SLC1A7: variants seen among roughly 807,000 people sequenced by gnomAD.
SLC1A7 encodes the protein solute carrier family 1 member 7.
A neutral mutation model predicts 47.7 loss-of-function variants in SLC1A7; 40 were observed. The ratio of observed to expected loss-of-function variants is 0.84; its 90% CI spans 0.65 to 1.09. SLC1A7 has a LOEUF of 1.09. SLC1A7 is among the 50% of genes least tolerant of loss of function. SLC1A7 has a pLI of 0.00. For missense variants in SLC1A7, 746 were observed against 769.5 expected, an observed-to-expected ratio of 0.97 and a Z score of 0.36; for synonymous variants, 323 against 325.6, an observed-to-expected ratio of 0.99 and a Z score of 0.09.
rs560150427 is a variant in SLC1A7, at chr1:53,128,433, T to G, written c.215+5917A>C. 4.2e-5 allele frequency among the ~76,000 whole-genome samples: 4 copies of G among 94,836 alleles called. No individual in the cohort carries two copies. In the South Asian group the frequency reaches 8.6e-4, roughly 20 times the overall value. The allele number at this position is 94,836 out of a possible 152,430, so 62.2% of individuals were successfully genotyped here. A position where few individuals can be genotyped will look rare whatever the true frequency, so the allele number is the denominator to read the frequency against. On this transcript the variant is annotated intron_variant, in intron 2 of 10. Coordinates refer to ENST00000371494, the MANE Select transcript of SLC1A7 (RefSeq NM_006671.6). Reference sequence around the variant, plus strand: ...TGAAAGTTACAGTGAGCTGTGGTCATGCCACTGCACTCCAGCCTGAGGGAC... The same window carrying G: ...TGAAAGTTACAGTGAGCTGTGGTCAGGCCACTGCACTCCAGCCTGAGGGAC...
intron 3 of SLC1A7, among the ~76,000 whole-genome samples, chr1:53,112,222 C>G (rs1644707851): frequency 6.6e-6 from 1 of 152,186 alleles, no homozygotes; most frequent in South Asian, 2.1e-4. Flanking sequence ...AAAAAAAATG[C>G]CTGGGCTAGC....
At chr1:53,134,245 G>T in intron 2 of SLC1A7, 105 bp downstream of exon 2, 1 of 748,604 alleles carries the variant, frequency 1.3e-6, no homozygotes, top group Non-Finnish European at 2.2e-6. Context: ...CTCATCCCAG[G>T]GCCTGTGGTT....
chr1:53,111,486 G>A (rs1006322162), intron 3 of SLC1A7, among the ~76,000 whole-genome samples: 16 of 152,200 alleles, frequency 1.1e-4, no homozygotes, highest in African/African-American at 3.6e-4. Context: ...GAGAGGAAGC[G>A]GAGGCCAGGC....
rs749590362 is a variant in SLC1A7, at chr1:53,108,385, T to A, written c.432-2611A>T. 31 of 596,250 alleles carry A rather than the reference T, an allele frequency of 5.2e-5. No homozygotes were observed. In the Admixed American group the frequency reaches 7.0e-4, roughly 13 times the overall value. The allele number at this position is 596,250 out of a possible 1,614,324, so 36.9% of individuals were successfully genotyped here. A position where few individuals can be genotyped will look rare whatever the true frequency, so the allele number is the denominator to read the frequency against. On this transcript the variant is annotated intron_variant, in intron 3 of 10. Transcript: ENST00000371494. Reference sequence around the variant, plus strand: ...ACTTCCTTTACAATTACAATCATTTTAAATGTGGGCCTTGGCAGGGACAGC... The same window carrying A: ...ACTTCCTTTACAATTACAATCATTTAAAATGTGGGCCTTGGCAGGGACAGC...
chr1:53,117,181 T>C (rs1298273777), intron 2 of SLC1A7, among the ~76,000 whole-genome samples: 2 of 152,016 alleles, frequency 1.3e-5, no homozygotes, highest in African/African-American at 4.8e-5. Flanking sequence ...AGTGAGACAG[T>C]GGAAGGCAGA....
At chr1:53,099,881 C>T (rs1291274509) in intron 5 of SLC1A7, among the ~76,000 whole-genome samples, 1 of 151,076 alleles carries the variant, frequency 6.6e-6, no homozygotes, top group African/African-American at 2.4e-5. Flanking sequence ...CTCGCATTGC[C>T]TTGGTACATT....
chr1:53,118,339 T>A (rs1172915912), intron 2 of SLC1A7: 2 of 152,242 alleles, frequency 1.3e-5, no homozygotes, highest in Non-Finnish European at 2.9e-5. Flanking sequence ...TCTTTGGGTG[T>A]TATAAGTAAT....
rs779826298 is a variant in SLC1A7, at chr1:53,098,633, C to T, written c.697+4713G>A. Reference sequence around the variant, plus strand: ...TACACTCACACATACCACCTCAGTACGTTCACACACACCACCTCGGTACAC... The same window carrying T: ...TACACTCACACATACCACCTCAGTATGTTCACACACACCACCTCGGTACAC... On this transcript the variant is annotated intron_variant, in intron 5 of 10. Transcript: ENST00000371494. 2.6e-4 allele frequency among the ~76,000 whole-genome samples: 40 copies of T among 151,032 alleles called. 1 individual carries two copies. Among genetic ancestry groups the T allele is most frequent in the South Asian group, 6.3e-4 (3 of 4,764 alleles).
chr1:53,106,442 A>G (rs1206098536), intron 3 of SLC1A7, among the ~76,000 whole-genome samples: 1 of 151,806 alleles, frequency 6.6e-6, no homozygotes, highest in East Asian at 1.9e-4. Flanking sequence ...GTCTCTACTA[A>G]AAATACAAAA....
chr1:53,104,972 G>C (rs1288421), intron 4 of SLC1A7, among the ~76,000 whole-genome samples: 146,761 of 152,312 alleles, frequency 0.96, 70,922 homozygotes, highest in East Asian at 1. Context: ...AAATTACAGC[G>C]CAGCCTTATC....
At chr1:53,108,155 G>T in intron 3 of SLC1A7, 1 of 192,778 alleles carries the variant, frequency 5.2e-6, no homozygotes, top group Admixed American at 5.3e-5. Context: ...GTGAGCATCT[G>T]GTAAGAGGCT....
Position 53,092,664 on chromosome 1 carries a change from GT to G in SLC1A7, c.920del (p.His307ProfsTer154), listed in dbSNP as rs757973200. ...SVTVVCGLVL[H>X]GLFILPLLYF... is the part of the protein sequence containing the mutation. ...AGAGCAGGGGCAGGATAAAGAGCCCGTGGAGCACCAGCCCGCACACCACGGT... is the reference window on the plus strand; with the variant it reads ...AGAGCAGGGGCAGGATAAAGAGCCCGGGAGCACCAGCCCGCACACCACGGT... On this transcript the variant is annotated frameshift_variant, in exon 7 of 11. Coordinates refer to ENST00000371494, the MANE Select transcript of SLC1A7 (RefSeq NM_006671.6). LOFTEE classifies it high-confidence loss of function. 1.9e-6 allele frequency: 3 copies of G among 1,614,096 alleles called. No individual in the cohort carries two copies. The highest frequency in any genetic ancestry group is 2.5e-6 in the Non-Finnish European group (3 of 1,179,930).
rs568925224 is a variant in SLC1A7, at chr1:53,135,530, T to A, written c.136-1101A>T. Among the ~76,000 whole-genome samples the A allele has an allele frequency of 1.3e-4, 20 of 152,360 alleles. No individual in the cohort carries two copies. The South Asian group carries it at 4.1e-3, about 32-fold the overall frequency. On this transcript the variant is annotated intron_variant, in intron 1 of 10. Coordinates refer to ENST00000371494, the MANE Select transcript of SLC1A7 (RefSeq NM_006671.6). ...CCTTCCTAGGCCGCTGGCTCCAGCCTGTCCACGGATCTCTGACTAAGGCGC... is the reference window on the plus strand; with the variant it reads ...CCTTCCTAGGCCGCTGGCTCCAGCCAGTCCACGGATCTCTGACTAAGGCGC...
chr1:53,096,937 ACCTCGGTACACTCACATAACCTG>A lies in SLC1A7; in HGVS notation c.698-3400_698-3378del, dbSNP rs1445039790. Reference sequence around the variant, plus strand: ...CCCCCTCAGTACACTCACATACACCACCTCGGTACACTCACATAACCTGCCTCGGTACACTCACACACCCCGCC... The same window carrying A: ...CCCCCTCAGTACACTCACATACACCACCTCGGTACACTCACACACCCCGCC... On this transcript the variant is annotated intron_variant, in intron 5 of 10. Transcript: ENST00000371494. Among the ~76,000 whole-genome samples, 17 of 129,232 alleles carry A rather than the reference ACCTCGGTACACTCACATAACCTG, an allele frequency of 1.3e-4. No individual in the cohort carries two copies. In the East Asian group the frequency reaches 3.7e-3, roughly 28 times the overall value. The allele number at this position is 129,232 out of a possible 152,430, so 84.8% of individuals were successfully genotyped here. A position where few individuals can be genotyped will look rare whatever the true frequency, so the allele number is the denominator to read the frequency against.
chr1:53,100,079 C>A (rs889529504), intron 5 of SLC1A7, among the ~76,000 whole-genome samples: 2 of 151,676 alleles, frequency 1.3e-5, no homozygotes, highest in Admixed American at 1.3e-4. Flanking sequence ...CTCACACACC[C>A]CCACCTTGAT....
At chr1:53,129,999 G>C (rs1644926512) in intron 2 of SLC1A7, among the ~76,000 whole-genome samples, 1 of 152,178 alleles carries the variant, frequency 6.6e-6, no homozygotes, top group African/African-American at 2.4e-5. Flanking sequence ...CTTCCGAATA[G>C]GGATACTAGT....
intron 3 of SLC1A7, 77 bp downstream of exon 3, chr1:53,114,681 G>T: frequency 7.8e-7 from 1 of 1,287,514 alleles, no homozygotes. Flanking sequence ...TCCACACCCC[G>T]TCCTGGCCTC....
intron 2 of SLC1A7, chr1:53,116,350 T>G (rs1003972313): frequency 6.6e-6 from 1 of 152,382 alleles, no homozygotes; most frequent in African/African-American, 2.4e-5. Context: ...TGCCCCCACC[T>G]CACTGGACTG....
At position 53,088,107 on chromosome 1, in the gene SLC1A7, G is replaced by C; in HGVS notation, c.1585C>G (p.His529Asp). Residue 529 changes from histidine (H) to aspartate (D), a missense_variant, in exon 11 of 11, where the codon CAC becomes GAC. His to Asp is a moderately conservative substitution (Grantham distance 81). Transcript: ENST00000371494. ...TGCTCCACTTGAACGGGGACGTGGT[G>C]GGGGCAGGTGGGGCCCAGGGTGAGC... ...SELTLGPTCP[H>D]HVPVQVEQDE... 6.2e-7 allele frequency: 1 copy of C among 1,612,072 alleles called. No homozygotes were observed. The highest frequency in any genetic ancestry group is 8.5e-7 in the Non-Finnish European group (1 of 1,178,784).
Sources: gnomAD v4.1 joint callset for allele counts (sites outside exome capture counted in the v4.1 genomes callset) on GRCh38, gnomAD v4.1.1 for gene constraint, MANE v1.5 for transcripts, NCBI Gene and HGNC (gene_info 2026-07-23, HGNC 2026-07-21) for gene names.